Variants in ADAMTS6 observed in about 807,000 individuals in gnomAD.
ADAMTS6 encodes the protein A disintegrin and metalloproteinase with thrombospondin motifs 6.
ADAMTS6 carries 23 observed loss-of-function variants against 144.3 expected under a neutral mutation model. The observed-to-expected ratio is 0.16, with a 90% CI of 0.11 to 0.23. ADAMTS6 has a LOEUF of 0.23. Ranked by LOEUF, ADAMTS6 falls within the 10% of genes least tolerant of loss-of-function variation. ADAMTS6 has a pLI of 1.00. For synonymous variants in ADAMTS6, 444 were observed against 457.5 expected (o/e 0.97, Z 0.38); for missense variants, 999 against 1,379.6 (o/e 0.72, Z 4.37).
intron 7 of ADAMTS6, among the ~76,000 whole-genome samples, chr5:65,340,379 A>C (rs1747708001): frequency 6.6e-6 from 1 of 152,168 alleles, no homozygotes; most frequent in Non-Finnish European, 1.5e-5. Flanking sequence ...GCTCAGGGAA[A>C]TCTCACATCT....
At chr5:65,456,578 T>G (rs1253935819) in intron 4 of ADAMTS6, among the ~76,000 whole-genome samples, 1 of 152,210 alleles carries the variant, frequency 6.6e-6, no homozygotes, top group Non-Finnish European at 1.5e-5. Context: ...CTCACTAGAA[T>G]ATAAACTCCA....
chr5:65,172,783 G>A, intron 23 of ADAMTS6, 49 bp downstream of exon 23: 1 of 1,580,774 alleles, frequency 6.3e-7, no homozygotes. Context: ...CCTCAGGTTT[G>A]TGTCTCAAGG....
intron 24 of ADAMTS6, among the ~76,000 whole-genome samples, chr5:65,159,398 C>A (rs1223274463): frequency 6.6e-6 from 1 of 152,166 alleles, no homozygotes; most frequent in African/African-American, 2.4e-5. Context: ...GTCTCCAAAA[C>A]CAAGTCCCTG....
In ADAMTS6 at chr5:65,224,913, T is replaced by C; in HGVS notation, c.2191+11A>G. 6.2e-7 allele frequency: 1 copy of C among 1,611,040 alleles called. No homozygotes were observed. Among genetic ancestry groups the C allele is most frequent in the Non-Finnish European group, 8.5e-7 (1 of 1,178,942 alleles). On this transcript the variant is annotated intron_variant, in intron 17 of 24. Coordinates refer to ENST00000381055, the MANE Select transcript of ADAMTS6 (RefSeq NM_197941.4). ...CAGAGGTGTGAGGAAGAGTTCTCTC[T>C]ACATACTCACCTCCCCTGGGCAGTG...
In ADAMTS6 at chr5:65,224,848, G is replaced by GGGGGA. The variant is rs1293139005; in HGVS notation, c.2191+71_2191+75dup. 1.9e-5 allele frequency: 27 copies of GGGGGA among 1,458,594 alleles called. No homozygotes were observed. In the Admixed American group the frequency reaches 2.8e-4, roughly 15 times the overall value. The allele number at this position is 1,458,594 out of a possible 1,614,324, so 90.4% of individuals were successfully genotyped here. A position where few individuals can be genotyped will look rare whatever the true frequency, so the allele number is the denominator to read the frequency against. The stretch of plus-strand genomic sequence containing the variant: ...CCTAAATAAAGAAATCTGAAAAACA[G>GGGGGA]GGGGAGGCGAAGCGAGGGTTTTGGC... On this transcript the variant is annotated intron_variant, in intron 17 of 24. Coordinates refer to ENST00000381055, the MANE Select transcript of ADAMTS6 (RefSeq NM_197941.4).
intron 11 of ADAMTS6, 93 bp downstream of exon 11, chr5:65,291,236 G>A: frequency 1.4e-6 from 2 of 1,438,236 alleles, no homozygotes; most frequent in South Asian, 1.5e-5. Flanking sequence ...GATATTACTA[G>A]AGGGAACCGA....
At chr5:65,308,554 T>C in intron 9 of ADAMTS6, among the ~76,000 whole-genome samples, 1 of 152,140 alleles carries the variant, frequency 6.6e-6, no homozygotes, top group East Asian at 1.9e-4. Context: ...GCTATTCCAC[T>C]ATAAGGGAAA....
At chr5:65,356,333 T>C (rs930270741) in intron 7 of ADAMTS6, among the ~76,000 whole-genome samples, 4 of 151,908 alleles carry the variant, frequency 2.6e-5, no homozygotes, top group Non-Finnish European at 5.9e-5. Flanking sequence ...TCTTGAAAAC[T>C]AGCTGTCATC....
chr5:65,478,199 G>A (rs1760969263), intron 1 of ADAMTS6, among the ~76,000 whole-genome samples: 1 of 152,064 alleles, frequency 6.6e-6, no homozygotes, highest in Admixed American at 6.6e-5. Context: ...ACTGCTCTTA[G>A]TCACCTACAC....
rs917101840 is a variant in ADAMTS6, at chr5:65,415,465, G to A, written c.1073+36010C>T. The A allele has an allele frequency of 1.6e-5, 3 of 187,462 alleles. No homozygotes were observed. The East Asian group carries it at 5.1e-4, about 32-fold the overall frequency. The allele number at this position is 187,462 out of a possible 1,614,324, so 11.6% of individuals were successfully genotyped here. On this transcript the variant is annotated intron_variant, in intron 7 of 24. Coordinates refer to ENST00000381055, the MANE Select transcript of ADAMTS6 (RefSeq NM_197941.4). Reference sequence around the variant, plus strand: ...ATCTGAGGCCAAGGTCATGGCCATGGTCAGGGCCAGGGCTGAAGCCACGGA... The same window carrying A: ...ATCTGAGGCCAAGGTCATGGCCATGATCAGGGCCAGGGCTGAAGCCACGGA...
chr5:65,260,663 T>C lies in ADAMTS6; in HGVS notation c.1767A>G (p.Ala589=). The change falls in exon 14 of 25, where the codon GCA becomes GCG. Residue 589 remains alanine (A), a splice_region_variant and synonymous_variant. Transcript: ENST00000381055. The part of the protein sequence containing the change: ...SSSLRHCDSP[A]PSGGGKYCLG... The stretch of plus-strand genomic sequence containing the variant: ...GGCAATATTTTCCACCTCCTGAAGG[T>C]CTGAAAAAACATTGTGTTTAAAATG... 6.2e-7 allele frequency: 1 copy of C among 1,612,730 alleles called. No homozygotes were observed. Among genetic ancestry groups the C allele is most frequent in the Non-Finnish European group, 8.5e-7 (1 of 1,179,176 alleles).
chr5:65,286,128 T>C (rs2112728979), intron 11 of ADAMTS6, among the ~76,000 whole-genome samples: 1 of 152,310 alleles, frequency 6.6e-6, no homozygotes, highest in Admixed American at 6.5e-5. Flanking sequence ...TGAAAACATT[T>C]ATTGAATGTC....
chr5:65,215,001 C>A, intron 19 of ADAMTS6, 69 bp from the exon 20 acceptor site: 1 of 1,516,108 alleles, frequency 6.6e-7, no homozygotes, highest in South Asian at 1.3e-5. Context: ...TTTATTATTC[C>A]TTTTGAAGAA....
intron 15 of ADAMTS6, among the ~76,000 whole-genome samples, chr5:65,237,118 G>C (rs1445000087): frequency 2.0e-5 from 3 of 151,956 alleles, no homozygotes; most frequent in Non-Finnish European, 4.4e-5. Context: ...ATAAGGCCAG[G>C]CATGGTGGCT....
At chr5:65,162,023 A>C (rs1340082028) in intron 24 of ADAMTS6, among the ~76,000 whole-genome samples, 1 of 152,260 alleles carries the variant, frequency 6.6e-6, no homozygotes, top group East Asian at 1.9e-4. Flanking sequence ...CGATTTAGCC[A>C]GGTAGATGAA....
chr5:65,241,312 C>T (rs1759166343), intron 15 of ADAMTS6, among the ~76,000 whole-genome samples: 1 of 148,360 alleles, frequency 6.7e-6, no homozygotes, highest in Admixed American at 6.8e-5. Flanking sequence ...CTCTCTGCAA[C>T]CTCCGCCTCC....
chr5:65,298,668 G>A (rs1446653186), intron 10 of ADAMTS6, among the ~76,000 whole-genome samples: 1 of 151,966 alleles, frequency 6.6e-6, no homozygotes, highest in African/African-American at 2.4e-5. Flanking sequence ...CTGTTACTAA[G>A]ATTAAAAATT....
At chr5:65,448,068 CTTA>C (rs746889182) in intron 7 of ADAMTS6, among the ~76,000 whole-genome samples, 3 of 149,890 alleles carry the variant, frequency 2.0e-5, no homozygotes, top group South Asian at 2.1e-4. Flanking sequence ...TTATATATTA[CTTA>C]TTATGAATAA....
At chr5:65,388,591 A>G (rs1268829170) in intron 7 of ADAMTS6, among the ~76,000 whole-genome samples, 20 of 152,346 alleles carry the variant, frequency 1.3e-4, no homozygotes, top group Non-Finnish European at 5.9e-5. Flanking sequence ...ATTAGATCTG[A>G]TAATACAGTG....
Sources: gnomAD v4.1 joint callset for allele counts (sites outside exome capture counted in the v4.1 genomes callset) on GRCh38, gnomAD v4.1.1 for gene constraint, MANE v1.5 for transcripts, NCBI Gene and HGNC (gene_info 2026-07-23, HGNC 2026-07-21) for gene names.